The following ITSN2 variants were observed in gnomAD, a reference collection of about 807,000 sequenced individuals.
The protein encoded by ITSN2 is intersectin 2.
A neutral mutation model predicts 243.7 loss-of-function variants in ITSN2; 156 were observed. The observed-to-expected ratio is 0.64, with a 90% CI of 0.56 to 0.73. The LOEUF (loss-of-function observed/expected upper bound fraction) is 0.73. Among genes scored for constraint, ITSN2 ranks in the 30% least tolerant of loss-of-function variants. ITSN2 has a pLI of 0.00. For synonymous variants in ITSN2, 703 were observed against 699.9 expected (o/e 1.00, Z -0.07); for missense variants, 1,801 against 1,996.1 (o/e 0.90, Z 1.86).
At chr2:24,286,928 G>A (rs1485235475) in intron 15 of ITSN2, among the ~76,000 whole-genome samples, 2 of 151,924 alleles carry the variant, frequency 1.3e-5, no homozygotes, top group Non-Finnish European at 1.5e-5. Flanking sequence ...AAACCAGATG[G>A]AAATATATAA....
At chr2:24,205,821 T>G (rs1392268568) in intron 37 of ITSN2, 2 of 165,670 alleles carry the variant, frequency 1.2e-5, no homozygotes, top group Non-Finnish European at 2.7e-5. Flanking sequence ...GTTAGGCATG[T>G]GCTAGACTTA....
In ITSN2 at chr2:24,292,579, G is replaced by A. The variant is rs370241372; in HGVS notation, c.1723+1109C>T. On this transcript the variant is annotated intron_variant, in intron 15 of 39. Transcript: ENST00000355123. ...ATATTTCTTCCACGTGAAGGGCCCT[G>A]CACTAGCCCAACAATCCCAGCTTCT... is the stretch of plus-strand genomic sequence containing the variant. Among the ~76,000 whole-genome samples the A allele has an allele frequency of 3.4e-4, 52 of 152,320 alleles. 2 individuals are homozygous for A. The South Asian group carries it at 9.7e-3, about 29-fold the overall frequency.
At chr2:24,273,553 A>G (rs1041856533) in intron 18 of ITSN2, 25 of 152,170 alleles carry the variant, frequency 1.6e-4, no homozygotes, top group African/African-American at 5.8e-4. Flanking sequence ...AATTTTCTAT[A>G]TATTTTTTAA....
intron 29 of ITSN2, among the ~76,000 whole-genome samples, chr2:24,236,039 C>T (rs1449892158): frequency 6.6e-6 from 1 of 152,178 alleles, no homozygotes; most frequent in African/African-American, 2.4e-5. Context: ...CACACAAAAA[C>T]TTGTAGACAA....
chr2:24,329,362 C>T (rs573406255), intron 1 of ITSN2, among the ~76,000 whole-genome samples: 14 of 152,288 alleles, frequency 9.2e-5, no homozygotes, highest in African/African-American at 3.1e-4. Flanking sequence ...CGGGTTCAAG[C>T]GATTCTCCAG....
At chr2:24,214,449 G>A (rs1191646135) in intron 32 of ITSN2, 1 of 151,934 alleles carries the variant, frequency 6.6e-6, no homozygotes, top group Non-Finnish European at 1.5e-5. Flanking sequence ...TTTTCTCCTT[G>A]GTGTATAGTA....
At chr2:24,312,130 C>G in intron 5 of ITSN2, 82 bp downstream of exon 5, 1 of 1,175,790 alleles carries the variant, frequency 8.5e-7, no homozygotes, top group South Asian at 1.9e-5. Context: ...TTTGTGCTAA[C>G]AAATCCTTTT....
intron 1 of ITSN2, among the ~76,000 whole-genome samples, chr2:24,349,288 CACA>C (rs1483541995): frequency 6.6e-6 from 1 of 152,194 alleles, no homozygotes; most frequent in Non-Finnish European, 1.5e-5. Context: ...ATCCTTCACT[CACA>C]ACACCACCTA....
chr2:24,292,269 C>G (rs1018172108), intron 15 of ITSN2, among the ~76,000 whole-genome samples: 3 of 152,168 alleles, frequency 2.0e-5, no homozygotes, highest in Non-Finnish European at 4.4e-5. Flanking sequence ...AGCCCCATCA[C>G]GTCCTCAATA....
chr2:24,250,668 C>T (rs1440014049), intron 25 of ITSN2, among the ~76,000 whole-genome samples: 1 of 152,164 alleles, frequency 6.6e-6, no homozygotes, highest in African/African-American at 2.4e-5. Flanking sequence ...ACCGATAGGG[C>T]TTCAGATTCC....
intron 1 of ITSN2, among the ~76,000 whole-genome samples, chr2:24,345,453 C>G (rs1219492618): frequency 6.6e-6 from 1 of 152,082 alleles, no homozygotes; most frequent in Non-Finnish European, 1.5e-5. Context: ...GTATATATAC[C>G]CATATGTATT....
intron 13 of ITSN2, among the ~76,000 whole-genome samples, chr2:24,296,633 G>A (rs1451737412): frequency 6.6e-6 from 1 of 152,158 alleles, no homozygotes; most frequent in African/African-American, 2.4e-5. Flanking sequence ...GCCACCAAAA[G>A]AGGCCTCACA....
rs766436632 is a variant in ITSN2 at position 24,271,844 on chromosome 2, T to C, written c.2179A>G (p.Lys727Glu). 2 of 1,610,932 alleles carry C rather than the reference T, an allele frequency of 1.2e-6. No individual in the cohort carries two copies. Among genetic ancestry groups the C allele is most frequent in the Non-Finnish European group, 1.7e-6 (2 of 1,179,410 alleles). ...GCTTTCCGTTCCTCTTCTTGAATTT[T>C]TTCTTGTGTTTTTTCTTCCTGGAGT... ...KRLQEEKTQE[K>E]IQEEERKAEE... Residue 727 changes from lysine to glutamate, a missense_variant, in exon 19 of 40, where the codon AAA becomes GAA. Lys to Glu is a moderately conservative substitution (Grantham distance 56). Transcript: ENST00000355123.
intron 18 of ITSN2, among the ~76,000 whole-genome samples, chr2:24,273,105 T>C (rs1480561602): frequency 6.6e-6 from 1 of 152,222 alleles, no homozygotes; most frequent in Non-Finnish European, 1.5e-5. Flanking sequence ...CACATCTCTA[T>C]TCCTTAATTC....
At chr2:24,292,127 T>C (rs10495747) in intron 15 of ITSN2, among the ~76,000 whole-genome samples, 22,173 of 152,190 alleles carry the variant, frequency 0.15, 2,159 homozygotes, top group African/African-American at 0.27. Flanking sequence ...GCAATTGTTA[T>C]ACAGAGAGGC....
chr2:24,255,662 C>T lies in ITSN2; in HGVS notation c.2889-1231G>A, dbSNP rs999541415. Among the ~76,000 whole-genome samples, 14 of 146,420 alleles carry T rather than the reference C, an allele frequency of 9.6e-5. No homozygotes were observed. In the East Asian group the frequency reaches 1.9e-3, roughly 20 times the overall value. On this transcript the variant is annotated intron_variant, in intron 23 of 39. Transcript: ENST00000355123. ...ATAAAAAGGGCTGGGCATGGTGGCTCACGCCTGTAATCCTAGCACTTTGGG... is the reference window on the plus strand; with the variant it reads ...ATAAAAAGGGCTGGGCATGGTGGCTTACGCCTGTAATCCTAGCACTTTGGG...
At chr2:24,247,739 G>C (rs1673574269) in intron 27 of ITSN2, among the ~76,000 whole-genome samples, 1 of 152,156 alleles carries the variant, frequency 6.6e-6, no homozygotes, top group Non-Finnish European at 1.5e-5. Context: ...GACATTTCTA[G>C]AGTTCTCCTA....
At chr2:24,281,781 C>T (rs1442102823) in intron 17 of ITSN2, among the ~76,000 whole-genome samples, 1 of 152,250 alleles carries the variant, frequency 6.6e-6, no homozygotes, top group Non-Finnish European at 1.5e-5. Context: ...ATTCTCCTCA[C>T]TACCAGCTAT....
At chr2:24,353,701 G>A (rs968492386) in intron 1 of ITSN2, among the ~76,000 whole-genome samples, 4 of 152,154 alleles carry the variant, frequency 2.6e-5, no homozygotes, top group Admixed American at 6.5e-5. Context: ...CTCTTCAGAA[G>A]GCACTGTGAA....
Sources: allele counts gnomAD v4.1 joint callset (sites outside exome capture counted in the v4.1 genomes callset), GRCh38; gene constraint gnomAD v4.1.1; transcripts MANE v1.5; gene names NCBI Gene and HGNC (gene_info 2026-07-23, HGNC 2026-07-21).